ZNF45: variants seen among roughly 807,000 people sequenced by gnomAD.
ZNF45 encodes the protein zinc finger protein 45, also known as BRC1744.
Under a neutral mutation model 12.0 loss-of-function variants are expected in ZNF45, and 4 were observed. The ratio of observed to expected loss-of-function variants is 0.33; its 90% CI spans 0.16 to 0.76. The LOEUF (loss-of-function observed/expected upper bound fraction) is 0.76, where lower values mean the gene tolerates loss of function less well. Ranked by LOEUF, ZNF45 falls within the 30% of genes least tolerant of loss-of-function variation. The probability of loss-of-function intolerance (pLI) is 0.60; values close to 1 mark genes in which losing one functional copy is unlikely to be tolerated. For missense variants in ZNF45, 700 were observed against 813.0 expected (o/e 0.86, Z 1.69); for synonymous variants, 272 against 279.6 (o/e 0.97, Z 0.27).
chr19:43,914,529 G>A lies in ZNF45; in HGVS notation c.907C>T (p.Pro303Ser), dbSNP rs1299574386. 2.4e-5 allele frequency: 38 copies of A among 1,612,530 alleles called. No homozygotes were observed. The highest frequency in any genetic ancestry group is 3.0e-5 in the Non-Finnish European group (35 of 1,178,950). ...VHLKVHTGKK[P>S]YKCEECGKSF... is the part of the protein sequence containing the mutation. ...TTCCCACACTCTTCACACTTATATG[G>A]TTTCTTTCCAGTGTGAACTTTCAGA... Residue 303 changes from proline to serine, a missense_variant, in exon 10 of 10, where the codon CCA becomes TCA. Transcript: ENST00000269973.
intron 9 of ZNF45, 31 bp from the exon 10 acceptor site, chr19:43,915,231 G>A: frequency 2.0e-6 from 3 of 1,466,404 alleles, no homozygotes; most frequent in Non-Finnish European, 2.7e-6. Context: ...TGGAGATGGG[G>A]CATGTGAATA....
Position 43,922,221 on chromosome 19 carries a change from A to G in ZNF45, c.-32-4T>C. ...TCCTTCTGGAGAAGTGCCAAGTCTTAAGAGGGAAGGAGAAAACATGAGGGA... is the reference window on the plus strand; with the variant it reads ...TCCTTCTGGAGAAGTGCCAAGTCTTGAGAGGGAAGGAGAAAACATGAGGGA... On this transcript the variant is annotated splice_region_variant and splice_polypyrimidine_tract_variant and intron_variant, in intron 6 of 9. Coordinates refer to ENST00000269973, the MANE Select transcript of ZNF45 (RefSeq NM_003425.4). 1.3e-6 allele frequency: 2 copies of G among 1,596,668 alleles called. No homozygotes were observed. Among genetic ancestry groups the G allele is most frequent in the South Asian group, 1.1e-5 (1 of 88,926 alleles).
In ZNF45 at chr19:43,913,680, A is replaced by T; in HGVS notation, c.1756T>A (p.Cys586Ser). The T allele has an allele frequency of 2.5e-6, 4 of 1,612,484 alleles. No individual in the cohort carries two copies. Among genetic ancestry groups the T allele is most frequent in the Non-Finnish European group, 2.5e-6 (3 of 1,179,826 alleles). ...GVHTGEKPYR[C>S]DVCGKRFRQR... ...CTGAAGCGCTTACCACACACATCACATCGGTATGGTTTTTCTCCTGTGTGG... is the reference window on the plus strand; with the variant it reads ...CTGAAGCGCTTACCACACACATCACTTCGGTATGGTTTTTCTCCTGTGTGG... Residue 586 changes from cysteine to serine, a missense_variant, in exon 10 of 10, where the codon TGT becomes AGT. Coordinates refer to ENST00000269973, the MANE Select transcript of ZNF45 (RefSeq NM_003425.4).
At position 43,919,591 on chromosome 19, in the gene ZNF45, T is replaced by A. The variant is rs770840118; in HGVS notation, c.124A>T (p.Arg42Trp). Residue 42 changes from arginine to tryptophan, a missense_variant, in exon 8 of 10, where the codon AGG (arginine) becomes TGG (tryptophan). By Grantham distance (101) the Arg-to-Trp change is moderately radical. Coordinates refer to ENST00000269973, the MANE Select transcript of ZNF45 (RefSeq NM_003425.4). The stretch of plus-strand genomic sequence containing the variant: ...TCCTCACCCACTGAGACCACATTCC[T>A]GAAGTTCTCCAGCATCACATCTCGG... Reference protein sequence around the residue: ...LYRDVMLENFRNVVSVGHQST... With the variant: ...LYRDVMLENFWNVVSVGHQST... 3.7e-6 allele frequency: 6 copies of A among 1,612,576 alleles called. No individual in the cohort carries two copies. The highest frequency in any genetic ancestry group is 5.1e-6 in the Non-Finnish European group (6 of 1,179,062).
chr19:43,926,883 T>C, intron 3 of ZNF45, among the ~76,000 whole-genome samples: 1 of 152,156 alleles, frequency 6.6e-6, no homozygotes, highest in East Asian at 1.9e-4. Flanking sequence ...CAAACCATGA[T>C]GACGTTCAAG....
intron 3 of ZNF45, among the ~76,000 whole-genome samples, chr19:43,927,681 T>C (rs1461539996): frequency 3.3e-5 from 5 of 152,152 alleles, no homozygotes; most frequent in Non-Finnish European, 5.9e-5. Flanking sequence ...ACCTCAAATA[T>C]AGGAAGAGAA....
Position 43,913,252 on chromosome 19 carries a change from T to C in ZNF45, c.*135A>G. The C allele has an allele frequency of 9.9e-7, 1 of 1,011,602 alleles. No individual in the cohort carries two copies. Among genetic ancestry groups the C allele is most frequent in the South Asian group, 1.8e-5 (1 of 56,086 alleles). The allele number at this position is 1,011,602 out of a possible 1,614,324, so 62.7% of individuals were successfully genotyped here. A position where few individuals can be genotyped will look rare whatever the true frequency, so the allele number is the denominator to read the frequency against. On this transcript the variant is annotated 3_prime_UTR_variant, in exon 10 of 10. Coordinates refer to ENST00000269973, the MANE Select transcript of ZNF45 (RefSeq NM_003425.4). ...CTGAATGCAGTCCATATGTCTCCACTCTTGTGAGGCTTCTCTGCTGTGTGG... is the reference window on the plus strand; with the variant it reads ...CTGAATGCAGTCCATATGTCTCCACCCTTGTGAGGCTTCTCTGCTGTGTGG...
intron 9 of ZNF45, 124 bp downstream of exon 9, chr19:43,918,746 A>T: frequency 1.4e-6 from 1 of 700,388 alleles, no homozygotes; most frequent in Non-Finnish European, 2.5e-6. Context: ...GAATTAGATT[A>T]GATATTCATC....
rs761511592 is a variant in ZNF45 at position 43,914,451 on chromosome 19, C to T, written c.985G>A (p.Glu329Lys). 2.1e-5 allele frequency: 34 copies of T among 1,611,094 alleles called. No homozygotes were observed. In the East Asian group the frequency reaches 4.5e-4, roughly 21 times the overall value. Residue 329 changes from glutamate (E) to lysine (K), a missense_variant, in exon 10 of 10, where the codon GAG (glutamate) becomes AAG (lysine). Transcript: ENST00000269973. ...LQAHERIHTG[E>K]KPYKCNACGK... Reference sequence around the variant, plus strand: ...CATGCATTGCATTTGTATGGTTTCTCGCCAGTGTGGATTCGCTCATGAGCC... The same window carrying T: ...CATGCATTGCATTTGTATGGTTTCTTGCCAGTGTGGATTCGCTCATGAGCC...
intron 3 of ZNF45, among the ~76,000 whole-genome samples, chr19:43,927,902 C>T (rs866105010): frequency 2.6e-5 from 4 of 151,914 alleles, no homozygotes; most frequent in East Asian, 1.9e-4. Context: ...TGGCTGGGCG[C>T]GGTGGCTCAT....
At chr19:43,926,916 GC>G (rs1973723927) in intron 3 of ZNF45, among the ~76,000 whole-genome samples, 1 of 152,210 alleles carries the variant, frequency 6.6e-6, no homozygotes, top group Non-Finnish European at 1.5e-5. Context: ...CTGCAAGTCA[GC>G]AGGAGAACAC....
At chr19:43,930,171 CAT>C (rs1433538697) in intron 3 of ZNF45, among the ~76,000 whole-genome samples, 2 of 152,146 alleles carry the variant, frequency 1.3e-5, no homozygotes, top group Admixed American at 1.3e-4. Context: ...GCTGTGTCTT[CAT>C]AGTCTTCATA....
intron 3 of ZNF45, among the ~76,000 whole-genome samples, chr19:43,927,515 A>C (rs965102431): frequency 5.3e-5 from 8 of 152,210 alleles, no homozygotes; most frequent in African/African-American, 1.7e-4. Context: ...CAAAGATGAT[A>C]TTATAATGGG....
At chr19:43,915,287 C>T in intron 9 of ZNF45, 87 bp from the exon 10 acceptor site, 1 of 1,330,182 alleles carries the variant, frequency 7.5e-7, no homozygotes, top group Non-Finnish European at 9.8e-7. Flanking sequence ...GGCCCATAGC[C>T]TAAGGCTTCA....
rs147847594 is a variant in ZNF45, at chr19:43,914,242, G to A, written c.1194C>T (p.Cys398=). The A allele has an allele frequency of 2.3e-3, 3,662 of 1,612,202 alleles. 8 individuals are homozygous for A. The highest frequency in any genetic ancestry group is 2.7e-3 in the Non-Finnish European group (3,228 of 1,179,158). The change falls in exon 10 of 10, where the codon TGC becomes TGT. Residue 398 remains cysteine (C), a synonymous_variant. Coordinates refer to ENST00000269973, the MANE Select transcript of ZNF45 (RefSeq NM_003425.4). ...GATGGTCCAGCAGATTTGAGGCCCG[G>A]CAGAAGCCTTTCCCACACTCCTCAC... The part of the protein sequence containing the change: ...YKCEECGKGF[C]RASNLLDHQR...
rs1276043870 is a variant in ZNF45, at chr19:43,924,556, T to C, written c.-260A>G. 1 of 152,202 alleles carries C rather than the reference T, an allele frequency of 6.6e-6. No homozygotes were observed. The highest frequency in any genetic ancestry group is 1.5e-5 in the Non-Finnish European group (1 of 68,038). 9.4% of individuals were successfully genotyped at this position (152,202 alleles called of 1,614,324 possible). ...CAGTATTCTAAATCTTGTCTCTCTG[T>C]TGCTTCTAAAGACAAAAATAAGCAG... On this transcript the variant is annotated 5_prime_UTR_variant, in exon 5 of 10. Coordinates refer to ENST00000269973, the MANE Select transcript of ZNF45 (RefSeq NM_003425.4).
rs200720773 is a variant in ZNF45, at chr19:43,914,707, A to G, written c.729T>C (p.Thr243=). The G allele has an allele frequency of 2.8e-5, 45 of 1,614,210 alleles. 1 individual carries two copies. In the Middle Eastern group the frequency reaches 1.2e-3, roughly 41 times the overall value. ...SHLPHHQRVP[T]GENPYKYEEC... is the part of the protein sequence containing the mutation. ...CTTCATATTTGTATGGATTCTCTCC[A>G]GTGGGAACTCTCTGATGATGGGGAA... is the stretch of plus-strand genomic sequence containing the variant. Residue 243 remains threonine, a synonymous_variant, in exon 10 of 10, where the codon ACT becomes ACC. Transcript: ENST00000269973.
rs368720011 is a variant in ZNF45, at chr19:43,914,895, T to G, written c.541A>C (p.Ile181Leu). Residue 181 changes from isoleucine (I) to leucine (L), a missense_variant, in exon 10 of 10, where the codon ATT becomes CTT. Physicochemically the swap from Ile to Leu is conservative, Grantham distance 5 (BLOSUM62 2). Coordinates refer to ENST00000269973, the MANE Select transcript of ZNF45 (RefSeq NM_003425.4). ...KSFSWSSHLQINQRAHAGEKP... is the reference protein window; with the variant it reads ...KSFSWSSHLQLNQRAHAGEKP... ...TCTCCTGCATGAGCCCTTTGGTTAA[T>G]TTGAAGATGAGAGCTCCAGCTGAAA... 2.0e-5 allele frequency: 32 copies of G among 1,612,782 alleles called. No individual in the cohort carries two copies. The highest frequency in any genetic ancestry group is 2.7e-5 in the Non-Finnish European group (32 of 1,178,902).
At chr19:43,932,939 T>G (rs562325686) in intron 2 of ZNF45, among the ~76,000 whole-genome samples, 1 of 152,270 alleles carries the variant, frequency 6.6e-6, no homozygotes, top group South Asian at 2.1e-4. Flanking sequence ...CAGAAATAAC[T>G]GTCTTTGGAA....
Sources: allele counts gnomAD v4.1 joint callset (sites outside exome capture counted in the v4.1 genomes callset), GRCh38; gene constraint gnomAD v4.1.1; transcripts MANE v1.5; gene names NCBI Gene and HGNC (gene_info 2026-07-23, HGNC 2026-07-21).